DIP2A: variants seen among roughly 807,000 people sequenced by gnomAD.
DIP2A encodes the protein disco-interacting protein 2 homolog A.
DIP2A carries 85 observed loss-of-function variants against 177.4 expected under a neutral mutation model. The ratio of observed to expected loss-of-function variants is 0.48; its 90% CI spans 0.40 to 0.57. The LOEUF (loss-of-function observed/expected upper bound fraction) is 0.57. Ranked by LOEUF, DIP2A falls within the 20% of genes least tolerant of loss-of-function variation. The probability of loss-of-function intolerance (pLI) is 0.00; values close to 1 mark genes in which losing one functional copy is unlikely to be tolerated. For synonymous variants in DIP2A, 886 were observed against 881.8 expected, an observed-to-expected ratio of 1.00 and a Z score of -0.08; for missense variants, 1,791 against 2,100.2, an observed-to-expected ratio of 0.85 and a Z score of 2.88.
At chr21:46,572,547 G>A (rs1169046269), downstream of DIP2A, among the ~76,000 whole-genome samples, 1 of 152,156 alleles carries the variant, frequency 6.6e-6, no homozygotes, top group African/African-American at 2.4e-5. Context: ...GGATTATCAT[G>A]GGAATGGGGC....
intron 1 of DIP2A, among the ~76,000 whole-genome samples, chr21:46,480,200 C>G (rs1474698636): frequency 6.6e-6 from 1 of 152,074 alleles, no homozygotes; most frequent in Non-Finnish European, 1.5e-5. Flanking sequence ...CACACAGTTC[C>G]ACATGGCTGG....
At chr21:46,534,447 C>T (rs2148773210) in intron 12 of DIP2A, 138 bp from the exon 13 acceptor site, 1 of 833,210 alleles carries the variant, frequency 1.2e-6, no homozygotes, top group Non-Finnish European at 1.9e-6. Flanking sequence ...TGCCATGTAC[C>T]TGGGCTGCTG....
intron 20 of DIP2A, among the ~76,000 whole-genome samples, 195 bp from the exon 21 acceptor site, chr21:46,546,720 A>C (rs571239437): frequency 1.1e-4 from 16 of 151,928 alleles, no homozygotes; most frequent in African/African-American, 3.9e-4. Flanking sequence ...TTCCTTCCAC[A>C]CAGCCTGCCC....
intron 1 of DIP2A, chr21:46,462,756 A>G (rs2054431437): frequency 1.3e-5 from 2 of 151,498 alleles, no homozygotes; most frequent in Admixed American, 1.3e-4. Context: ...TGTCTTCAAC[A>G]GAAACTGGTA....
In DIP2A at chr21:46,498,304, C is replaced by T. The variant is rs1220063832; in HGVS notation, c.404-278C>T. ...TATATGCTGAAGCCGTTTAGGAGAT[C>T]AGAGGCTGTCTTCACTGAGTGTGTC... On this transcript the variant is annotated intron_variant, in intron 4 of 37. Transcript: ENST00000417564. The surrounding 1 kb of genome is among the most constrained non-coding windows in gnomAD (Gnocchi z 4.3). Among the ~76,000 whole-genome samples the T allele has an allele frequency of 1.3e-5, 2 of 152,202 alleles. No homozygotes were observed. Among genetic ancestry groups the T allele is most frequent in the African/African-American group, 2.4e-5 (1 of 41,448 alleles).
Position 46,566,544 on chromosome 21 carries a change from C to A in DIP2A, c.4340-16C>A. 1 of 1,613,954 alleles carries A rather than the reference C, an allele frequency of 6.2e-7. No individual in the cohort carries two copies. The highest frequency in any genetic ancestry group is 8.5e-7 in the Non-Finnish European group (1 of 1,179,854). On this transcript the variant is annotated splice_polypyrimidine_tract_variant and intron_variant, in intron 36 of 37. Coordinates refer to ENST00000417564, the MANE Select transcript of DIP2A (RefSeq NM_015151.4). ...CCTTGGCTTTCTGGGCACGTGTAAA[C>A]ACACACTGTTCACAGGGCGGCACGA...
intron 16 of DIP2A, 59 bp from the exon 17 acceptor site, chr21:46,539,818 C>G (rs117443865): frequency 0.072 from 99,767 of 1,384,410 alleles, 3,997 homozygotes; most frequent in Non-Finnish European, 0.082. Flanking sequence ...TGTCCAGCCA[C>G]CCCTTCCCTG....
In DIP2A at chr21:46,565,857, C is replaced by T. The variant is rs1171788823; in HGVS notation, c.4309C>T (p.Arg1437Trp). 6.2e-7 allele frequency: 1 copy of T among 1,613,856 alleles called. No individual in the cohort carries two copies. Among genetic ancestry groups the T allele is most frequent in the African/African-American group, 1.3e-5 (1 of 74,924 alleles). ...WARTGYLGFL[R>W]RTELTDASGG... ...AAGGACCGGCTACCTTGGCTTCCTTCGGCGAACAGAGCTCACTGATGCCAG... is the reference window on the plus strand; with the variant it reads ...AAGGACCGGCTACCTTGGCTTCCTTTGGCGAACAGAGCTCACTGATGCCAG... Residue 1437 changes from arginine to tryptophan, a missense_variant, in exon 36 of 38, where the codon CGG becomes TGG. Transcript: ENST00000417564.
intron 8 of DIP2A, among the ~76,000 whole-genome samples, chr21:46,515,211 C>G (rs1329485991): frequency 6.6e-6 from 1 of 152,220 alleles, no homozygotes; most frequent in Non-Finnish European, 1.5e-5. Context: ...CAGTCCCTGG[C>G]CAATGGCCAA....
intron 8 of DIP2A, among the ~76,000 whole-genome samples, chr21:46,521,536 C>T (rs1288437120): frequency 6.6e-6 from 1 of 152,184 alleles, no homozygotes. Flanking sequence ...AGGGAGAAAG[C>T]AAAATTTCAC....
At chr21:46,462,277 T>C (rs1311611225) in intron 1 of DIP2A, among the ~76,000 whole-genome samples, 1 of 152,212 alleles carries the variant, frequency 6.6e-6, no homozygotes, top group African/African-American at 2.4e-5. Context: ...TGGTTGTTGT[T>C]GACGTGGGCT....
At chr21:46,560,291 A>C (rs1436885933) in intron 32 of DIP2A, among the ~76,000 whole-genome samples, 1 of 152,246 alleles carries the variant, frequency 6.6e-6, no homozygotes, top group East Asian at 1.9e-4. Flanking sequence ...GAAGGCTGCC[A>C]TCCATCTCAC....
intron 9 of DIP2A, among the ~76,000 whole-genome samples, chr21:46,530,222 A>C (rs369324644): frequency 1.3e-5 from 2 of 152,210 alleles, no homozygotes; most frequent in East Asian, 3.8e-4. Flanking sequence ...GAAATCCCCT[A>C]GTGAGAAGGT....
At chr21:46,476,456 C>T (rs574762842) in intron 1 of DIP2A, among the ~76,000 whole-genome samples, 6 of 152,084 alleles carry the variant, frequency 3.9e-5, no homozygotes, top group Admixed American at 6.5e-5. Flanking sequence ...CCGAGGAAGG[C>T]GCAGGGCACT....
intron 8 of DIP2A, among the ~76,000 whole-genome samples, chr21:46,518,909 T>C (rs1281752760): frequency 6.6e-6 from 1 of 152,168 alleles, no homozygotes; most frequent in Non-Finnish European, 1.5e-5. Context: ...AGCAAAGGAA[T>C]AAAAGAATGG....
At chr21:46,540,518 T>A (rs2059770067) in intron 17 of DIP2A, among the ~76,000 whole-genome samples, 1 of 152,104 alleles carries the variant, frequency 6.6e-6, no homozygotes, top group African/African-American at 2.4e-5. Flanking sequence ...GGGCTGCTGG[T>A]CCTTCCTGTG....
At chr21:46,538,461 C>A in intron 15 of DIP2A, 22 bp from the exon 16 acceptor site, 1 of 1,540,256 alleles carries the variant, frequency 6.5e-7, no homozygotes, top group South Asian at 1.2e-5. Flanking sequence ...GCAGGGATGT[C>A]TGTGCCATCC....
intron 18 of DIP2A, among the ~76,000 whole-genome samples, chr21:46,543,707 C>G (rs1044010920): frequency 6.6e-6 from 1 of 152,218 alleles, no homozygotes; most frequent in Admixed American, 6.5e-5. Context: ...ACTACTGTAT[C>G]AAGTGTGTAT....
rs2054020891 is a variant in DIP2A, at chr21:46,458,968, G to C, written c.-164G>C. On this transcript the variant is annotated 5_prime_UTR_variant, in exon 1 of 38. Coordinates refer to ENST00000417564, the MANE Select transcript of DIP2A (RefSeq NM_015151.4). ...GAGCCATCCGCGCTCGTGCCCGCGC[G>C]GGTGCGTTGCTGTCCTGGCCGCGCC... is the stretch of plus-strand genomic sequence containing the variant. 2.3e-6 allele frequency: 1 copy of C among 441,502 alleles called. No homozygotes were observed. The highest frequency in any genetic ancestry group is 2.1e-5 in the African/African-American group (1 of 48,464). The allele number at this position is 441,502 out of a possible 1,614,324, so 27.3% of individuals were successfully genotyped here. A position where few individuals can be genotyped will look rare whatever the true frequency, so the allele number is the denominator to read the frequency against.
Sources: allele counts gnomAD v4.1 joint callset (sites outside exome capture counted in the v4.1 genomes callset), GRCh38; gene constraint gnomAD v4.1.1; non-coding constraint Gnocchi (gnomAD v3.1); transcripts MANE v1.5; gene names NCBI Gene and HGNC (gene_info 2026-07-23, HGNC 2026-07-21).